NME8: variants seen among roughly 807,000 people sequenced by gnomAD.
NME8 encodes the protein NME/NM23 family member 8, also known as protein NME8.
A neutral mutation model predicts 82.3 loss-of-function variants in NME8; 72 were observed. That is an observed-to-expected ratio of 0.87 (90% CI 0.72 to 1.06). NME8 has a LOEUF of 1.06. NME8 is among the 50% of genes least tolerant of loss of function. NME8 has a pLI of 0.00. For synonymous variants in NME8, 267 were observed against 228.5 expected, an observed-to-expected ratio of 1.17 and a Z score of -1.52; for missense variants, 712 against 685.4, an observed-to-expected ratio of 1.04 and a Z score of -0.43.
intron 12 of NME8, among the ~76,000 whole-genome samples, chr7:37,877,492 G>A (rs1366567997): frequency 6.6e-6 from 1 of 152,136 alleles, no homozygotes; most frequent in African/African-American, 2.4e-5. Flanking sequence ...AAGAACACAA[G>A]TCATAAATTA....
intron 12 of NME8, among the ~76,000 whole-genome samples, chr7:37,882,100 G>A (rs1784955286): frequency 6.6e-6 from 1 of 152,124 alleles, no homozygotes; most frequent in Non-Finnish European, 1.5e-5. Context: ...TTTCAAGATT[G>A]TATAGATATC....
intron 15 of NME8, among the ~76,000 whole-genome samples, chr7:37,890,297 C>T (rs777756250): frequency 2.5e-4 from 38 of 151,986 alleles, no homozygotes; most frequent in Non-Finnish European, 5.2e-4. Flanking sequence ...ACACAACTCA[C>T]GTATTTTTAA....
chr7:37,857,368 T>G, intron 6 of NME8, 23 bp downstream of exon 6: 1 of 1,476,768 alleles, frequency 6.8e-7, no homozygotes, highest in Non-Finnish European at 9.5e-7. Flanking sequence ...ACTTTCTCAA[T>G]TGCATTATCA....
intron 16 of NME8, among the ~76,000 whole-genome samples, chr7:37,895,499 G>A (rs1029078338): frequency 2.0e-5 from 3 of 152,052 alleles, no homozygotes; most frequent in Admixed American, 2.0e-4. Context: ...CTGAACCCAG[G>A]GAGTCTCTGC....
intron 17 of NME8, among the ~76,000 whole-genome samples, chr7:37,897,466 C>T (rs957316830): frequency 2.8e-4 from 43 of 152,192 alleles, no homozygotes; most frequent in Non-Finnish European, 5.1e-4. Context: ...TACTCAGCTC[C>T]TTTCCACTTC....
intron 5 of NME8, 82 bp from the exon 6 acceptor site, chr7:37,857,192 C>A (rs183351573): frequency 1.5e-5 from 16 of 1,069,434 alleles, no homozygotes; most frequent in Middle Eastern, 2.9e-4. Context: ...TTATATATAT[C>A]TCTGCATTGT....
intron 17 of NME8, among the ~76,000 whole-genome samples, chr7:37,899,416 C>G (rs982743411): frequency 6.6e-6 from 1 of 152,078 alleles, no homozygotes. Context: ...CCTCAGCAAA[C>G]TAATGAAGGA....
At chr7:37,896,150 A>G (rs1785226113) in intron 16 of NME8, among the ~76,000 whole-genome samples, 1 of 152,228 alleles carries the variant, frequency 6.6e-6, no homozygotes, top group African/African-American at 2.4e-5. Flanking sequence ...GGCAGAATTT[A>G]TAAAGTTAAC....
chr7:37,858,008 C>G (rs1013639797), intron 6 of NME8, among the ~76,000 whole-genome samples: 1 of 151,446 alleles, frequency 6.6e-6, no homozygotes, highest in African/African-American at 2.4e-5. Context: ...ATCAACCTGG[C>G]CAACATAGGG....
At chr7:37,860,836 G>A (rs1471431568) in intron 6 of NME8, among the ~76,000 whole-genome samples, 1 of 152,158 alleles carries the variant, frequency 6.6e-6, no homozygotes, top group Non-Finnish European at 1.5e-5. Context: ...TATTGTCTCT[G>A]AATTTGGCAT....
intron 16 of NME8, among the ~76,000 whole-genome samples, chr7:37,896,034 C>T (rs1188875282): frequency 6.6e-6 from 1 of 152,112 alleles, no homozygotes; most frequent in Non-Finnish European, 1.5e-5. Context: ...CATACACACA[C>T]ACATGCACAC....
intron 11 of NME8, among the ~76,000 whole-genome samples, chr7:37,870,937 G>A (rs1163839068): frequency 6.6e-6 from 1 of 152,134 alleles, no homozygotes; most frequent in Non-Finnish European, 1.5e-5. Flanking sequence ...ACTTCCATGT[G>A]ACATCTTTCA....
chr7:37,869,164 C>T (rs1211922648), intron 11 of NME8, among the ~76,000 whole-genome samples: 1 of 152,134 alleles, frequency 6.6e-6, no homozygotes, highest in African/African-American at 2.4e-5. Context: ...GGGTGCCTAC[C>T]TCTGTTGGCT....
chr7:37,885,193 C>G lies in NME8; in HGVS notation c.1188C>G (p.Tyr396Ter). ...LVLLRDNGLQ[Y>*]WKQLLGPRTV... ...TATTGAGAGACAATGGCTTGCAATA[C>G]TGGAAACAATTACTGGGACCAAGAA... The change falls in exon 14 of 18, where the codon TAC becomes TAG. Residue 396 changes from tyrosine to a stop codon, truncating the protein, a stop_gained. Coordinates refer to ENST00000199447, the MANE Select transcript of NME8 (RefSeq NM_016616.5). LOFTEE classifies it high-confidence loss of function. 6.2e-7 allele frequency: 1 copy of G among 1,613,642 alleles called. No individual in the cohort carries two copies.
chr7:37,884,805 C>T (rs1376599433), intron 13 of NME8, among the ~76,000 whole-genome samples: 1 of 152,178 alleles, frequency 6.6e-6, no homozygotes, highest in Non-Finnish European at 1.5e-5. Flanking sequence ...GAATGAGTTG[C>T]TAGAAATGTG....
chr7:37,857,136 C>T, intron 5 of NME8, 138 bp from the exon 6 acceptor site: 1 of 667,426 alleles, frequency 1.5e-6, no homozygotes, highest in Non-Finnish European at 2.6e-6. Context: ...GCAGTTTGAT[C>T]CCTAAAACCA....
intron 12 of NME8, among the ~76,000 whole-genome samples, chr7:37,882,597 A>AAGAAAGAAAGAAAGAAAGAAAGAGAGAG: frequency 1.2e-5 from 1 of 82,992 alleles, no homozygotes; most frequent in Non-Finnish European, 2.6e-5. Context: ...GAAAGAAAGA[A>AAGAAAGAAAGAAAGAAAGAAAGAGAGAG]AGAGAGAGAG....
Position 37,876,871 on chromosome 7 carries a change from C to G in NME8, c.858C>G (p.Leu286=). 2 of 1,613,038 alleles carry G rather than the reference C, an allele frequency of 1.2e-6. No individual in the cohort carries two copies. The highest frequency in any genetic ancestry group is 1.7e-6 in the Non-Finnish European group (2 of 1,179,378). Residue 286 remains leucine (L), a synonymous_variant, in exon 12 of 18, where the codon CTC becomes CTG. Transcript: ENST00000199447. ...TGGAAAGACAACATTTAGCTCAGCT[C>G]TGTGACATTGAAGAGGATGCAGCTA... ...EYLERQHLAQ[L]CDIEEDAANV... is the part of the protein sequence containing the mutation.
chr7:37,865,425 G>A (rs1784661696), intron 9 of NME8, 100 bp from the exon 10 acceptor site: 1 of 779,028 alleles, frequency 1.3e-6, no homozygotes, highest in Non-Finnish European at 2.3e-6. Flanking sequence ...TATAGAAAAT[G>A]TATTGAAAGC....
Sources: gnomAD v4.1 joint callset for allele counts (sites outside exome capture counted in the v4.1 genomes callset) on GRCh38, gnomAD v4.1.1 for gene constraint, MANE v1.5 for transcripts, NCBI Gene and HGNC (gene_info 2026-07-23, HGNC 2026-07-21) for gene names.